Variants in ST8SIA3 observed in about 807,000 individuals in gnomAD.
ST8SIA3 encodes the protein alpha-N-acetylneuraminate alpha-2,8-sialyltransferase ST8SIA3.
Under a neutral mutation model 34.5 loss-of-function variants are expected in ST8SIA3, and 17 were observed. The observed-to-expected ratio is 0.49, with a 90% CI of 0.34 to 0.74. The LOEUF is 0.74. Among genes scored for constraint, ST8SIA3 ranks in the 30% least tolerant of loss-of-function variants. The pLI, the probability that ST8SIA3 is intolerant of heterozygous loss-of-function variation, is 0.01. For missense variants in ST8SIA3, 354 were observed against 467.8 expected, an observed-to-expected ratio of 0.76 and a Z score of 2.24; for synonymous variants, 172 against 176.1, an observed-to-expected ratio of 0.98 and a Z score of 0.19.
intron 2 of ST8SIA3, among the ~76,000 whole-genome samples, chr18:57,356,680 TG>T (rs1470669200): frequency 6.6e-6 from 1 of 152,194 alleles, no homozygotes; most frequent in Admixed American, 6.5e-5. Flanking sequence ...CAGCTAAAAC[TG>T]TAAGTTGCAT....
rs1252999241 is a variant in ST8SIA3, at chr18:57,366,160, A to T, written c.*5883A>T. 1 of 152,234 alleles carries T rather than the reference A, an allele frequency of 6.6e-6. No individual in the cohort carries two copies. The highest frequency in any genetic ancestry group is 1.9e-4 in the East Asian group (1 of 5,198). The allele number at this position is 152,234 out of a possible 1,614,324, so 9.4% of individuals were successfully genotyped here. A position where few individuals can be genotyped will look rare whatever the true frequency, so the allele number is the denominator to read the frequency against. ...CATAGCACTGCCTGAACAATTTTTAAGTCAGTGAGTACCAAATAGGAGAGG... is the reference window on the plus strand; with the variant it reads ...CATAGCACTGCCTGAACAATTTTTATGTCAGTGAGTACCAAATAGGAGAGG... On this transcript the variant is annotated 3_prime_UTR_variant, in exon 4 of 4. Coordinates refer to ENST00000324000, the MANE Select transcript of ST8SIA3 (RefSeq NM_015879.3).
At chr18:57,353,585 C>T (rs1455408446) in intron 1 of ST8SIA3, among the ~76,000 whole-genome samples, 3 of 152,150 alleles carry the variant, frequency 2.0e-5, no homozygotes, top group Non-Finnish European at 2.9e-5. Flanking sequence ...GCAGCCACCG[C>T]CCCCCACCAG....
Position 57,352,579 on chromosome 18 carries a change from C to G in ST8SIA3, c.-268C>G, listed in dbSNP as rs1369669000. 3.0e-5 allele frequency: 14 copies of G among 459,034 alleles called. No homozygotes were observed. Among genetic ancestry groups the G allele is most frequent in the Non-Finnish European group, 1.6e-5 (4 of 249,936 alleles). The allele number at this position is 459,034 out of a possible 1,614,324, so 28.4% of individuals were successfully genotyped here. A position where few individuals can be genotyped will look rare whatever the true frequency, so the allele number is the denominator to read the frequency against. On this transcript the variant is annotated 5_prime_UTR_variant, in exon 1 of 4. Transcript: ENST00000324000. ...GCTCCTTCGCCACGCCGCCGCGCAG[C>G]CCCTCCATCTTCCTGCTCGGCACCG...
In ST8SIA3 at chr18:57,360,123, C is replaced by G; in HGVS notation, c.989C>G (p.Thr330Arg). 6.2e-7 allele frequency: 1 copy of G among 1,614,170 alleles called. No homozygotes were observed. ...TGGCCGTTTGGATTTGACCCCAACA[C>G]AAGGGAAGATCTTCCATACCATTAC... ...GFWPFGFDPN[T>R]REDLPYHYYD... The change falls in exon 4 of 4, where the codon ACA becomes AGA. Residue 330 changes from threonine to arginine, a missense_variant. Thr to Arg is a moderately conservative substitution (Grantham distance 71). Transcript: ENST00000324000.
intron 2 of ST8SIA3, among the ~76,000 whole-genome samples, chr18:57,356,148 G>A (rs563005313): frequency 9.2e-5 from 14 of 152,274 alleles, no homozygotes; most frequent in African/African-American, 3.1e-4. Flanking sequence ...AGCTCAATAT[G>A]AAAGCAACGT....
rs975397102 is a variant in ST8SIA3, at chr18:57,367,091, G to A, written c.*6814G>A. ...GAGAGGCAATGCTGGGAAAAAATAT[G>A]CCTAATTCCTAGGACACAGTGAGTG... On this transcript the variant is annotated 3_prime_UTR_variant, in exon 4 of 4. Coordinates refer to ENST00000324000, the MANE Select transcript of ST8SIA3 (RefSeq NM_015879.3). 1 of 152,204 alleles carries A rather than the reference G, an allele frequency of 6.6e-6. No homozygotes were observed. The highest frequency in any genetic ancestry group is 2.4e-5 in the African/African-American group (1 of 41,432). 9.4% of individuals were successfully genotyped at this position (152,204 alleles called of 1,614,324 possible).
At position 57,361,117 on chromosome 18, in the gene ST8SIA3, A is replaced by T. The variant is rs1322229084; in HGVS notation, c.*840A>T. On this transcript the variant is annotated 3_prime_UTR_variant, in exon 4 of 4. Transcript: ENST00000324000. ...TGCGTCTCTTGATGTAGGCATTGTT[A>T]TGGCAAATAATAGCACTGTGGCCAC... The T allele has an allele frequency of 6.6e-6, 1 of 152,228 alleles. No homozygotes were observed. The highest frequency in any genetic ancestry group is 2.4e-5 in the African/African-American group (1 of 41,460). 9.4% of individuals were successfully genotyped at this position (152,228 alleles called of 1,614,324 possible).
Position 57,354,391 on chromosome 18 carries a change from C to T in ST8SIA3, c.180-11C>T, listed in dbSNP as rs2049786269. On this transcript the variant is annotated splice_polypyrimidine_tract_variant and intron_variant, in intron 1 of 3. Transcript: ENST00000324000. Reference sequence around the variant, plus strand: ...GCCAGCACGCTTGTCTGTGCTCATGCTCCTCTCCAGGTCACAATTTGCGCT... The same window carrying T: ...GCCAGCACGCTTGTCTGTGCTCATGTTCCTCTCCAGGTCACAATTTGCGCT... 4 of 1,613,950 alleles carry T rather than the reference C, an allele frequency of 2.5e-6. No individual in the cohort carries two copies. The highest frequency in any genetic ancestry group is 3.4e-6 in the Non-Finnish European group (4 of 1,179,878).
Position 57,360,351 on chromosome 18 carries a change from A to G in ST8SIA3, c.*74A>G. The G allele has an allele frequency of 7.3e-7, 1 of 1,370,604 alleles. No individual in the cohort carries two copies. Among genetic ancestry groups the G allele is most frequent in the East Asian group, 2.4e-5 (1 of 41,158 alleles). The allele number at this position is 1,370,604 out of a possible 1,614,324, so 84.9% of individuals were successfully genotyped here. ...TCAAATTGAATAGCCTTCAGAATAGAACCCTAGAGAATGTCTTATAAGGAT... is the reference window on the plus strand; with the variant it reads ...TCAAATTGAATAGCCTTCAGAATAGGACCCTAGAGAATGTCTTATAAGGAT... On this transcript the variant is annotated 3_prime_UTR_variant, in exon 4 of 4. Coordinates refer to ENST00000324000, the MANE Select transcript of ST8SIA3 (RefSeq NM_015879.3).
intron 3 of ST8SIA3, among the ~76,000 whole-genome samples, chr18:57,358,476 G>A (rs574151437): frequency 3.2e-4 from 49 of 152,278 alleles, no homozygotes; most frequent in African/African-American, 9.9e-4. Context: ...TAAGATGTAA[G>A]ATCTGTTTAG....
Position 57,353,115 on chromosome 18 carries a change from C to T in ST8SIA3, c.179+90C>T, listed in dbSNP as rs1049186175. 16 of 1,314,704 alleles carry T rather than the reference C, an allele frequency of 1.2e-5. No individual in the cohort carries two copies. In the South Asian group the frequency reaches 1.9e-4, roughly 15 times the overall value. 81.4% of individuals were successfully genotyped at this position (1,314,704 alleles called of 1,614,324 possible). ...AGGCGTGGGGGAGGGGTGTTTTGGC[C>T]TCTCCGAGACTCTTTGGGCCAGATA... On this transcript the variant is annotated intron_variant, in intron 1 of 3. Transcript: ENST00000324000.
chr18:57,359,114 T>C (rs1233074267), intron 3 of ST8SIA3, among the ~76,000 whole-genome samples: 1 of 151,972 alleles, frequency 6.6e-6, no homozygotes, highest in Non-Finnish European at 1.5e-5. Flanking sequence ...AATACATGGG[T>C]TCAATGAAAA....
intron 3 of ST8SIA3, among the ~76,000 whole-genome samples, chr18:57,359,577 G>A (rs565061994): frequency 4.5e-4 from 69 of 152,032 alleles, no homozygotes; most frequent in African/African-American, 1.6e-3. Context: ...TGTAAGAAAA[G>A]CACAGTCATT....
chr18:57,354,255 G>A (rs1312819834), intron 1 of ST8SIA3, 147 bp from the exon 2 acceptor site: 1 of 939,316 alleles, frequency 1.1e-6, no homozygotes, highest in African/African-American at 1.7e-5. Flanking sequence ...TGGGAGCAGA[G>A]GGTGGACCAA....
intron 1 of ST8SIA3, 122 bp from the exon 2 acceptor site, chr18:57,354,280 G>C: frequency 7.9e-7 from 1 of 1,272,634 alleles, no homozygotes. Flanking sequence ...GAGGGGCTCC[G>C]GGACGGAACG....
At chr18:57,355,545 T>C (rs988067929) in intron 2 of ST8SIA3, among the ~76,000 whole-genome samples, 2 of 152,198 alleles carry the variant, frequency 1.3e-5, no homozygotes, top group Non-Finnish European at 1.5e-5. Context: ...TAAAAACACT[T>C]ATGTTTAATT....
chr18:57,358,881 C>A (rs141750799), intron 3 of ST8SIA3, among the ~76,000 whole-genome samples: 1 of 152,084 alleles, frequency 6.6e-6, no homozygotes, highest in South Asian at 2.1e-4. Context: ...TTGTCTATAC[C>A]GAAAGGGTTG....
chr18:57,364,981 T>C lies in ST8SIA3; in HGVS notation c.*4704T>C, dbSNP rs1025619301. ...ATGACAGTGGCATCAGAGTGAAGAG[T>C]TGTTGCAGAGTAACTGACTTCAGTT... is the stretch of plus-strand genomic sequence containing the variant. On this transcript the variant is annotated 3_prime_UTR_variant, in exon 4 of 4. Coordinates refer to ENST00000324000, the MANE Select transcript of ST8SIA3 (RefSeq NM_015879.3). The C allele has an allele frequency of 1.3e-5, 2 of 152,022 alleles. No individual in the cohort carries two copies. The highest frequency in any genetic ancestry group is 4.8e-5 in the African/African-American group (2 of 41,380). 9.4% of individuals were successfully genotyped at this position (152,022 alleles called of 1,614,324 possible).
chr18:57,358,239 C>T (rs908705056), intron 3 of ST8SIA3, among the ~76,000 whole-genome samples: 3 of 152,302 alleles, frequency 2.0e-5, no homozygotes, highest in Middle Eastern at 3.4e-3. Flanking sequence ...GAATTGAGAA[C>T]CACTAGTCCA....
Sources: allele counts gnomAD v4.1 joint callset (sites outside exome capture counted in the v4.1 genomes callset), GRCh38; gene constraint gnomAD v4.1.1; transcripts MANE v1.5; gene names NCBI Gene and HGNC (gene_info 2026-07-23, HGNC 2026-07-21).